Variants in DPP10 observed in about 807,000 individuals in gnomAD.
DPP10 encodes the protein inactive dipeptidyl peptidase 10.
In DPP10, 33 loss-of-function variants were observed where a neutral mutation model predicts 120.9. The ratio of observed to expected loss-of-function variants is 0.27; its 90% CI spans 0.21 to 0.37. The LOEUF (loss-of-function observed/expected upper bound fraction) is 0.37. DPP10 is among the 10% of genes least tolerant of loss of function. DPP10 has a pLI of 1.00. For synonymous variants in DPP10, 337 were observed against 326.1 expected, an observed-to-expected ratio of 1.03 and a Z score of -0.36; for missense variants, 816 against 942.8, an observed-to-expected ratio of 0.87 and a Z score of 1.76.
At chr2:115,228,866 T>A (rs1402695134) in intron 1 of DPP10, among the ~76,000 whole-genome samples, 2 of 152,148 alleles carry the variant, frequency 1.3e-5, no homozygotes, top group Non-Finnish European at 2.9e-5. Context: ...TGTGATACAC[T>A]GATTTCCTTT....
chr2:114,901,220 C>A (rs544218865), intron 1 of DPP10, among the ~76,000 whole-genome samples: 1 of 151,962 alleles, frequency 6.6e-6, no homozygotes, highest in South Asian at 2.1e-4. Context: ...GTTTTTGATA[C>A]GGAGCCTGGC....
At chr2:115,617,229 T>G (rs1267021288) in intron 5 of DPP10, among the ~76,000 whole-genome samples, 1 of 145,866 alleles carries the variant, frequency 6.9e-6, no homozygotes, top group Non-Finnish European at 1.5e-5. Flanking sequence ...AAACCATGGA[T>G]AGTACCAAAC....
At chr2:115,006,647 C>CGT (rs1701866473) in intron 1 of DPP10, among the ~76,000 whole-genome samples, 1 of 149,210 alleles carries the variant, frequency 6.7e-6, no homozygotes, top group Non-Finnish European at 1.5e-5. Flanking sequence ...GTAAAGGGAT[C>CGT]AATTCAACAA....
At chr2:114,948,726 T>C (rs1317929628) in intron 1 of DPP10, among the ~76,000 whole-genome samples, 1 of 152,146 alleles carries the variant, frequency 6.6e-6, no homozygotes, top group East Asian at 1.9e-4. Context: ...AGAGAGTATA[T>C]TAGTCTGTTT....
intron 1 of DPP10, among the ~76,000 whole-genome samples, chr2:114,791,156 G>A (rs75317467): frequency 0.019 from 2,855 of 152,220 alleles, 87 homozygotes; most frequent in African/African-American, 0.065. Context: ...AAGAAGGCTT[G>A]TACATGTGAC....
intron 1 of DPP10, among the ~76,000 whole-genome samples, chr2:114,455,847 A>G (rs899319599): frequency 5.3e-5 from 8 of 151,746 alleles, no homozygotes; most frequent in African/African-American, 1.9e-4. Flanking sequence ...CCAGATAGGC[A>G]TTATTCTCAT....
chr2:114,466,499 G>A (rs1057507681), intron 1 of DPP10, among the ~76,000 whole-genome samples: 7 of 152,080 alleles, frequency 4.6e-5, no homozygotes, highest in Non-Finnish European at 7.3e-5. Context: ...CTCTGTTTCC[G>A]GGATTTGAAT....
At chr2:114,484,384 G>A (rs934985949) in intron 1 of DPP10, among the ~76,000 whole-genome samples, 4 of 152,096 alleles carry the variant, frequency 2.6e-5, no homozygotes, top group Non-Finnish European at 4.4e-5. Flanking sequence ...TCTGAATGGG[G>A]AATTCATTTA....
intron 5 of DPP10, among the ~76,000 whole-genome samples, chr2:115,612,948 G>T (rs1239633930): frequency 2.0e-5 from 3 of 151,926 alleles, no homozygotes. Context: ...ACTAGGCAGG[G>T]TTGATAAATC....
At chr2:115,301,191 C>A (rs970233889) in intron 1 of DPP10, among the ~76,000 whole-genome samples, 1 of 151,974 alleles carries the variant, frequency 6.6e-6, no homozygotes, top group Non-Finnish European at 1.5e-5. Context: ...GAAATCTTGG[C>A]TGTTCCTCTG....
At position 115,088,768 on chromosome 2, in the gene DPP10, A is replaced by AAAAAAAAAAAAAAAAAC. The variant is rs775985067; in HGVS notation, c.61-220470_61-220469insAAAAAAAAAAAAAAACA. On this transcript the variant is annotated intron_variant, in intron 1 of 25. Coordinates refer to ENST00000410059, the MANE Select transcript of DPP10 (RefSeq NM_020868.6). ...TGCCTGACAAAAAAAAAAAAAAAAA[A>AAAAAAAAAAAAAAAAAC]ACCAAAAAACAAAAAAAACCTTAAA... is the stretch of plus-strand genomic sequence containing the variant. 1.1e-3 allele frequency among the ~76,000 whole-genome samples: 150 copies of AAAAAAAAAAAAAAAAAC among 134,858 alleles called. 10 individuals carry two copies. The highest frequency in any genetic ancestry group is 2.9e-3 in the East Asian group (13 of 4,458). The allele number at this position is 134,858 out of a possible 152,430, so 88.5% of individuals were successfully genotyped here.
chr2:115,611,393 T>A (rs2084087552), intron 5 of DPP10, among the ~76,000 whole-genome samples: 1 of 152,174 alleles, frequency 6.6e-6, no homozygotes, highest in Non-Finnish European at 1.5e-5. Context: ...AGCACCACAG[T>A]AATTATGGCT....
chr2:115,464,266 T>G (rs1021958438), intron 3 of DPP10, among the ~76,000 whole-genome samples: 1 of 152,156 alleles, frequency 6.6e-6, no homozygotes, highest in Non-Finnish European at 1.5e-5. Flanking sequence ...AGTTTTACAT[T>G]AAATATTTAA....
chr2:114,629,667 C>G (rs2105367690), intron 1 of DPP10, among the ~76,000 whole-genome samples: 1 of 152,248 alleles, frequency 6.6e-6, no homozygotes, highest in South Asian at 2.1e-4. Context: ...TTCTACATTG[C>G]AGAGGTGTTG....
chr2:115,521,605 A>AT (rs79361161), intron 4 of DPP10, among the ~76,000 whole-genome samples: 31,962 of 143,448 alleles, frequency 0.22, 5,002 homozygotes, highest in African/African-American at 0.44. Flanking sequence ...TCTAATCCTT[A>AT]TTTTTTTTTT....
At chr2:115,741,245 G>A (rs11123321) in intron 9 of DPP10, among the ~76,000 whole-genome samples, 138,998 of 152,120 alleles carry the variant, frequency 0.91, 64,850 homozygotes, top group East Asian at 1. Context: ...ATTATAAAGA[G>A]TATGATTCCA....
intron 1 of DPP10, among the ~76,000 whole-genome samples, chr2:115,199,676 C>A (rs1028422596): frequency 1.5e-4 from 23 of 151,704 alleles, no homozygotes; most frequent in Admixed American, 3.3e-4. Flanking sequence ...ATTACTTTTT[C>A]TTTTATTCAT....
chr2:115,374,287 C>T (rs1402911280), intron 3 of DPP10, among the ~76,000 whole-genome samples: 2 of 152,184 alleles, frequency 1.3e-5, no homozygotes, highest in African/African-American at 2.4e-5. Flanking sequence ...TACTCCCATT[C>T]CAAGTGGGAG....
chr2:114,841,750 G>A (rs1359348950), intron 1 of DPP10, among the ~76,000 whole-genome samples: 1 of 152,068 alleles, frequency 6.6e-6, no homozygotes, highest in African/African-American at 2.4e-5. Flanking sequence ...GCACAGGATG[G>A]GGACATGGAA....
Sources: allele counts gnomAD v4.1 joint callset (sites outside exome capture counted in the v4.1 genomes callset), GRCh38; gene constraint gnomAD v4.1.1; transcripts MANE v1.5; gene names NCBI Gene and HGNC (gene_info 2026-07-23, HGNC 2026-07-21).